The following OPCML variants were observed in gnomAD, a reference collection of about 807,000 sequenced individuals.
OPCML encodes opioid binding protein/cell adhesion molecule like.
A neutral mutation model predicts 37.8 loss-of-function variants in OPCML; 13 were observed. The ratio of observed to expected loss-of-function variants is 0.34; its 90% confidence interval spans 0.22 to 0.55. OPCML has a LOEUF of 0.55. Among genes scored for constraint, OPCML ranks in the 20% least tolerant of loss-of-function variants. The pLI, the probability that OPCML is intolerant of heterozygous loss-of-function variation, is 0.91. For missense variants in OPCML, 341 were observed against 435.6 expected, an observed-to-expected ratio of 0.78 and a Z score of 1.93; for synonymous variants, 176 against 168.8, an observed-to-expected ratio of 1.04 and a Z score of -0.33.
At chr11:132,688,033 T>C (rs1016618697) in intron 2 of OPCML, among the ~76,000 whole-genome samples, 2 of 152,202 alleles carry the variant, frequency 1.3e-5, no homozygotes, top group African/African-American at 4.8e-5. Context: ...TTGCTGCTTC[T>C]ATCCGGGAAA....
At chr11:133,061,710 C>T (rs1257497911) in intron 1 of OPCML, among the ~76,000 whole-genome samples, 4 of 152,194 alleles carry the variant, frequency 2.6e-5, no homozygotes, top group Non-Finnish European at 2.9e-5. Flanking sequence ...ATCTTGACCA[C>T]CTCCTTAGCT....
chr11:133,068,898 C>T (rs1051704016), intron 1 of OPCML, among the ~76,000 whole-genome samples: 3 of 152,068 alleles, frequency 2.0e-5, no homozygotes, highest in African/African-American at 4.8e-5. Context: ...TGGCGTCGGT[C>T]GAAAATCCTA....
intron 1 of OPCML, among the ~76,000 whole-genome samples, chr11:133,240,130 T>G: frequency 7.1e-6 from 1 of 141,130 alleles, no homozygotes; most frequent in East Asian, 2.2e-4. Context: ...TGCCTTCCTC[T>G]CAAAGCCTCT....
At chr11:132,952,596 A>G (rs1468519784) in intron 1 of OPCML, among the ~76,000 whole-genome samples, 6 of 152,122 alleles carry the variant, frequency 3.9e-5, no homozygotes, top group Admixed American at 3.9e-4. Flanking sequence ...AGACCACATC[A>G]CATCCTTTTC....
chr11:132,515,502 C>T (rs946395707), intron 4 of OPCML, among the ~76,000 whole-genome samples: 2 of 152,176 alleles, frequency 1.3e-5, no homozygotes, highest in African/African-American at 4.8e-5. Context: ...TCACAGCCTT[C>T]AGCTGTGAAG....
chr11:133,427,217 A>G (rs573894881), intron 1 of OPCML, among the ~76,000 whole-genome samples: 1 of 152,308 alleles, frequency 6.6e-6, no homozygotes, highest in African/African-American at 2.4e-5. Context: ...ATCACAAAAA[A>G]GGCATCAATA....
At chr11:132,655,449 A>T (rs1296800873) in intron 3 of OPCML, among the ~76,000 whole-genome samples, 1 of 152,218 alleles carries the variant, frequency 6.6e-6, no homozygotes, top group Non-Finnish European at 1.5e-5. Context: ...TCTGAGGAGA[A>T]GTATCAGATG....
intron 1 of OPCML, among the ~76,000 whole-genome samples, chr11:133,248,061 C>T (rs187242002): frequency 4.3e-4 from 65 of 152,236 alleles, no homozygotes; most frequent in Non-Finnish European, 8.1e-4. Flanking sequence ...AGGGAAGCTG[C>T]CATGGCTTGA....
At chr11:133,477,643 C>G (rs901428841) in intron 1 of OPCML, among the ~76,000 whole-genome samples, 2 of 152,130 alleles carry the variant, frequency 1.3e-5, no homozygotes, top group African/African-American at 4.8e-5. Flanking sequence ...TAAGCTGGGA[C>G]CTGGGATGTC....
At position 132,442,487 on chromosome 11, in the gene OPCML, G is replaced by T. The variant is rs190517997; in HGVS notation, c.506-5128C>A. ...TATAAAGTTAAAAGAACCATGAGGG[G>T]TCAAAGATTTTAGCCTTCCACTTTT... On this transcript the variant is annotated intron_variant, in intron 4 of 7. Coordinates refer to ENST00000524381, the MANE Select transcript of OPCML (RefSeq NM_001012393.5). Among the ~76,000 whole-genome samples the T allele has an allele frequency of 1.1e-4, 17 of 152,262 alleles. No individual in the cohort carries two copies. In the East Asian group the frequency reaches 3.3e-3, roughly 29 times the overall value.
At chr11:132,965,614 T>G (rs1946196374) in intron 1 of OPCML, among the ~76,000 whole-genome samples, 1 of 152,020 alleles carries the variant, frequency 6.6e-6, no homozygotes, top group Non-Finnish European at 1.5e-5. Context: ...CTCACTGCAA[T>G]TTCTGCCTCC....
At chr11:132,789,533 A>C (rs1286049614) in intron 2 of OPCML, among the ~76,000 whole-genome samples, 1 of 152,238 alleles carries the variant, frequency 6.6e-6, no homozygotes, top group East Asian at 1.9e-4. Context: ...TGACATCAGC[A>C]GGGGGCCTAG....
chr11:133,141,762 T>C (rs7114284), intron 1 of OPCML, among the ~76,000 whole-genome samples: 4,839 of 152,272 alleles, frequency 0.032, 253 homozygotes, highest in African/African-American at 0.11. Context: ...CACTCAAATG[T>C]TTCCCCCTAA....
At chr11:132,633,209 CTCTT>C (rs1001333076) in intron 3 of OPCML, among the ~76,000 whole-genome samples, 3 of 152,060 alleles carry the variant, frequency 2.0e-5, no homozygotes, top group Admixed American at 6.6e-5. Flanking sequence ...GTAGCTCTCT[CTCTT>C]TTTTTCTGAG....
At chr11:132,668,549 A>G (rs1166624484) in intron 2 of OPCML, among the ~76,000 whole-genome samples, 2 of 152,198 alleles carry the variant, frequency 1.3e-5, no homozygotes, top group African/African-American at 2.4e-5. Flanking sequence ...TATACTTGGT[A>G]AATAGTGCCT....
intron 4 of OPCML, among the ~76,000 whole-genome samples, chr11:132,465,882 T>C (rs1464252266): frequency 1.3e-5 from 2 of 152,246 alleles, no homozygotes; most frequent in African/African-American, 2.4e-5. Context: ...AAGTTCTTTA[T>C]TTTGCATGAT....
chr11:133,424,253 G>T (rs1256457583), intron 1 of OPCML, among the ~76,000 whole-genome samples: 1 of 152,110 alleles, frequency 6.6e-6, no homozygotes, highest in Non-Finnish European at 1.5e-5. Flanking sequence ...TGCATCATTT[G>T]CTGCAGGAAC....
At chr11:132,807,032 G>A (rs556089859) in intron 2 of OPCML, among the ~76,000 whole-genome samples, 39 of 152,156 alleles carry the variant, frequency 2.6e-4, no homozygotes, top group Admixed American at 1.9e-3. Flanking sequence ...CGGAATGCTC[G>A]CAGAGAAATG....
At chr11:133,160,142 C>A (rs564418330) in intron 1 of OPCML, among the ~76,000 whole-genome samples, 1 of 152,340 alleles carries the variant, frequency 6.6e-6, no homozygotes, top group African/African-American at 2.4e-5. Context: ...TCTTAGGGAA[C>A]TTTAATGTGC....
Sources: allele counts gnomAD v4.1 joint callset (sites outside exome capture counted in the v4.1 genomes callset), GRCh38; gene constraint gnomAD v4.1.1; transcripts MANE v1.5; gene names NCBI Gene and HGNC (gene_info 2026-07-23, HGNC 2026-07-21).